The following ASTN2 variants were observed in gnomAD, a reference collection of about 807,000 sequenced individuals.
The protein encoded by ASTN2 is astrotactin 2, also known as astrotactin-2.
ASTN2 carries 54 observed loss-of-function variants against 139.8 expected under a neutral mutation model. That is an observed-to-expected ratio of 0.39 (90% CI 0.31 to 0.48). The LOEUF is 0.48. ASTN2 is among the 20% of genes least tolerant of loss of function. The pLI, the probability that ASTN2 is intolerant of heterozygous loss-of-function variation, is 0.95. For missense variants in ASTN2, 1,565 were observed against 1,725.1 expected, an observed-to-expected ratio of 0.91 and a Z score of 1.64; for synonymous variants, 756 against 719.5, an observed-to-expected ratio of 1.05 and a Z score of -0.81.
intron 12 of ASTN2, among the ~76,000 whole-genome samples, chr9:116,807,116 T>A (rs138547665): frequency 3.2e-4 from 48 of 152,340 alleles, no homozygotes; most frequent in African/African-American, 1.0e-3. Context: ...GGTTGGTATG[T>A]CAGTTTGAGA....
At chr9:117,242,774 G>A (rs1054223557) in intron 2 of ASTN2, among the ~76,000 whole-genome samples, 1 of 152,202 alleles carries the variant, frequency 6.6e-6, no homozygotes, top group Non-Finnish European at 1.5e-5. Flanking sequence ...GTCCCCACTG[G>A]TGTGTGGAAC....
At chr9:116,937,617 T>A (rs1023965227) in intron 10 of ASTN2, among the ~76,000 whole-genome samples, 9 of 152,156 alleles carry the variant, frequency 5.9e-5, no homozygotes, top group Admixed American at 2.0e-4. Flanking sequence ...AATGAGCATG[T>A]CCAAGGATCA....
intron 17 of ASTN2, among the ~76,000 whole-genome samples, chr9:116,625,412 C>T (rs912581323): frequency 1.5e-4 from 23 of 152,050 alleles, no homozygotes; most frequent in South Asian, 4.2e-4. Context: ...CCAGCCTGGG[C>T]GACAGCAAGA....
intron 3 of ASTN2, among the ~76,000 whole-genome samples, chr9:117,178,832 T>C (rs779027103): frequency 6.6e-6 from 1 of 152,150 alleles, no homozygotes; most frequent in Non-Finnish European, 1.5e-5. Context: ...CTAATTAAGT[T>C]ATTAGACACA....
chr9:116,749,623 G>A (rs1004958116), intron 13 of ASTN2, among the ~76,000 whole-genome samples: 1 of 152,102 alleles, frequency 6.6e-6, no homozygotes, highest in Non-Finnish European at 1.5e-5. Context: ...CTTTTGGGGG[G>A]CAGGAACTAA....
At chr9:117,307,789 A>G (rs558738812) in intron 1 of ASTN2, among the ~76,000 whole-genome samples, 2 of 152,322 alleles carry the variant, frequency 1.3e-5, no homozygotes, top group South Asian at 4.1e-4. Flanking sequence ...CATAAATGAC[A>G]TCAGGAAATG....
intron 16 of ASTN2, among the ~76,000 whole-genome samples, chr9:116,710,900 G>C (rs987096753): frequency 2.0e-5 from 3 of 152,128 alleles, no homozygotes; most frequent in Non-Finnish European, 2.9e-5. Flanking sequence ...TATGAAACTT[G>C]TTTGACACAT....
intron 10 of ASTN2, among the ~76,000 whole-genome samples, chr9:116,873,947 T>C (rs1394973267): frequency 6.6e-6 from 1 of 152,212 alleles, no homozygotes; most frequent in Non-Finnish European, 1.5e-5. Context: ...TGTGGAACAC[T>C]GACCCAATGA....
chr9:116,540,251 T>C (rs1219346066), intron 19 of ASTN2, among the ~76,000 whole-genome samples: 2 of 152,204 alleles, frequency 1.3e-5, no homozygotes, highest in Non-Finnish European at 2.9e-5. Context: ...GGGAAATTTA[T>C]CATTTATTAT....
At chr9:116,890,459 T>C (rs1288073998) in intron 10 of ASTN2, among the ~76,000 whole-genome samples, 1 of 152,216 alleles carries the variant, frequency 6.6e-6, no homozygotes, top group East Asian at 1.9e-4. Context: ...TTCCCCACCA[T>C]TGTAGATATC....
At chr9:116,724,849 G>C (rs1331476959) in intron 16 of ASTN2, among the ~76,000 whole-genome samples, 1 of 152,160 alleles carries the variant, frequency 6.6e-6, no homozygotes, top group East Asian at 1.9e-4. Flanking sequence ...AAGCATTTCA[G>C]TATAGTTGAA....
intron 19 of ASTN2, among the ~76,000 whole-genome samples, chr9:116,492,756 C>T (rs1050849640): frequency 1.3e-5 from 2 of 152,158 alleles, no homozygotes; most frequent in African/African-American, 4.8e-5. Context: ...TTCCACCTTG[C>T]CATCTTCTTA....
intron 2 of ASTN2, among the ~76,000 whole-genome samples, chr9:117,287,341 C>A (rs2130777391): frequency 6.6e-6 from 1 of 152,200 alleles, no homozygotes. Context: ...CATAAAATAC[C>A]CATGGATTCC....
At chr9:117,149,227 C>T (rs1830272717) in intron 3 of ASTN2, among the ~76,000 whole-genome samples, 1 of 151,964 alleles carries the variant, frequency 6.6e-6, no homozygotes, top group African/African-American at 2.4e-5. Context: ...ACCATGTTGG[C>T]CGGGCTGGTC....
At position 116,746,092 on chromosome 9, in the gene ASTN2, T is replaced by C. The variant is rs574206028; in HGVS notation, c.2397-12569A>G. Among the ~76,000 whole-genome samples, 54 of 150,084 alleles carry C rather than the reference T, an allele frequency of 3.6e-4. No homozygotes were observed. In the South Asian group the frequency reaches 7.9e-3, roughly 22 times the overall value. On this transcript the variant is annotated intron_variant, in intron 13 of 22. Transcript: ENST00000313400. ...CAAGGCAAACTGAGTACTTTTTTTT[T>C]TTTTTTTTTTTTGAGACAGAGTCTT...
chr9:116,858,486 A>G (rs1832798322), intron 11 of ASTN2, among the ~76,000 whole-genome samples: 2 of 152,170 alleles, frequency 1.3e-5, no homozygotes, highest in African/African-American at 4.8e-5. Context: ...TGTCCTCCAT[A>G]CGATGCTGTG....
intron 1 of ASTN2, among the ~76,000 whole-genome samples, chr9:117,307,280 G>A (rs536588505): frequency 7.9e-5 from 12 of 152,236 alleles, no homozygotes; most frequent in Middle Eastern, 3.4e-3. Context: ...TTCCTCATAC[G>A]CATGCATGTC....
rs549719404 is a variant in ASTN2 at position 116,864,155 on chromosome 9, T to G, written c.1890-422A>C. Among the ~76,000 whole-genome samples the G allele has an allele frequency of 2.5e-4, 38 of 152,334 alleles. 2 individuals carry two copies. The highest frequency in any genetic ancestry group is 9.1e-4 in the African/African-American group (38 of 41,580). On this transcript the variant is annotated intron_variant, in intron 10 of 22. Transcript: ENST00000313400. ...CCTAACTCTTAGCTTGCATCCTACC[T>G]GTTTCTACAGATTTCAGAGCTCCCT...
chr9:117,162,089 G>A (rs950535838), intron 3 of ASTN2, among the ~76,000 whole-genome samples: 1 of 152,014 alleles, frequency 6.6e-6, no homozygotes, highest in Non-Finnish European at 1.5e-5. Context: ...AAAATGAGTT[G>A]GAGGTAGATC....
Sources: gnomAD v4.1 joint callset for allele counts (sites outside exome capture counted in the v4.1 genomes callset) on GRCh38, gnomAD v4.1.1 for gene constraint, MANE v1.5 for transcripts, NCBI Gene and HGNC (gene_info 2026-07-23, HGNC 2026-07-21) for gene names.